Variants in SPATA19 observed in about 807,000 individuals in gnomAD.
SPATA19 encodes the protein spermatogenesis associated 19, also known as spermatogenesis-associated protein 19, mitochondrial.
A neutral mutation model predicts 25.0 loss-of-function variants in SPATA19; 19 were observed. That is an observed-to-expected ratio of 0.76 (90% confidence interval 0.53 to 1.11). SPATA19 has a LOEUF of 1.11. SPATA19 is among the 50% of genes most tolerant of loss of function. SPATA19 has a pLI of 0.00. For missense variants in SPATA19, 222 were observed against 211.4 expected, an observed-to-expected ratio of 1.05 and a Z score of -0.31; for synonymous variants, 64 against 69.3, an observed-to-expected ratio of 0.92 and a Z score of 0.38.
At position 133,842,039 on chromosome 11, in the gene SPATA19, T is replaced by A; in HGVS notation, c.504A>T (p.Ter168CysextTer61). 1 of 1,614,028 alleles carries A rather than the reference T, an allele frequency of 6.2e-7. No individual in the cohort carries two copies. Among genetic ancestry groups the A allele is most frequent in the Non-Finnish European group, 8.5e-7 (1 of 1,179,932 alleles). Reference sequence around the variant, plus strand: ...CCGTCAGCTCTCTCACCTGTTGCTCTCAGCAGTCTGAGGAGGAGGGTCTCA... The same window carrying A: ...CCGTCAGCTCTCTCACCTGTTGCTCACAGCAGTCTGAGGAGGAGGGTCTCA... ...FSMRPSSSDC[*>C] Residue 168 changes from the stop codon to cysteine (C), a stop_lost, in exon 6 of 7, where the codon TGA becomes TGT. Coordinates refer to ENST00000299140, the MANE Select transcript of SPATA19 (RefSeq NM_174927.3).
At chr11:133,843,707 TC>T (rs1162257436) in intron 4 of SPATA19, among the ~76,000 whole-genome samples, 1 of 152,104 alleles carries the variant, frequency 6.6e-6, no homozygotes. Flanking sequence ...TAGGAAAGCC[TC>T]TGTCTGAAGC....
chr11:133,843,838 G>T (rs367839850), intron 4 of SPATA19, among the ~76,000 whole-genome samples: 1 of 152,224 alleles, frequency 6.6e-6, no homozygotes, highest in African/African-American at 2.4e-5. Context: ...CACCATAACC[G>T]AGTGCAGAAT....
At chr11:133,842,357 G>A in intron 5 of SPATA19, 128 bp downstream of exon 5, 1 of 810,430 alleles carries the variant, frequency 1.2e-6, no homozygotes, top group Non-Finnish European at 2.1e-6. Flanking sequence ...TGGGAACTGT[G>A]TGTCTCTGCT....
At chr11:133,845,284 A>T (rs901871111) in intron 1 of SPATA19, 85 bp downstream of exon 1, 10 of 1,370,220 alleles carry the variant, frequency 7.3e-6, no homozygotes, top group Non-Finnish European at 1.0e-5. Context: ...TTTATTTGTA[A>T]GATCTCTATG....
chr11:133,842,656 G>T, intron 4 of SPATA19, 94 bp from the exon 5 acceptor site: 1 of 979,388 alleles, frequency 1.0e-6, no homozygotes, highest in Non-Finnish European at 1.6e-6. Context: ...TGCAAACAAT[G>T]ACTCTTGCCC....
chr11:133,837,174 T>A (rs1938227951), downstream of SPATA19, among the ~76,000 whole-genome samples: 1 of 152,198 alleles, frequency 6.6e-6, no homozygotes, highest in Non-Finnish European at 1.5e-5. Context: ...CAATAAGAAC[T>A]GAATAAATTG....
Position 133,845,320 on chromosome 11 carries a change from A to C in SPATA19, c.78+49T>G, listed in dbSNP as rs200159370. 53 of 1,471,454 alleles carry C rather than the reference A, an allele frequency of 3.6e-5. No homozygotes were observed. In the South Asian group the frequency reaches 5.5e-4, roughly 15 times the overall value. The allele number at this position is 1,471,454 out of a possible 1,614,324, so 91.1% of individuals were successfully genotyped here. On this transcript the variant is annotated intron_variant, in intron 1 of 6. Coordinates refer to ENST00000299140, the MANE Select transcript of SPATA19 (RefSeq NM_174927.3). The stretch of plus-strand genomic sequence containing the variant: ...AAGTGCAGCAGGGTCCCACAGGGGG[A>C]GAAGATATATGAAAAATTATTCCAT...
intron 4 of SPATA19, 93 bp downstream of exon 4, chr11:133,844,153 T>C (rs1385578684): frequency 9.7e-7 from 1 of 1,031,398 alleles, no homozygotes; most frequent in Non-Finnish European, 1.5e-6. Flanking sequence ...AAAGACGACA[T>C]CTCTAGAGAA....
intron 4 of SPATA19, 82 bp from the exon 5 acceptor site, chr11:133,842,644 C>T (rs1032426292): frequency 9.3e-7 from 1 of 1,077,358 alleles, no homozygotes; most frequent in African/African-American, 1.5e-5. Flanking sequence ...GAGATGGGAT[C>T]CTGCAAACAA....
At chr11:133,844,412 G>A in intron 3 of SPATA19, 75 bp from the exon 4 acceptor site, 1 of 1,610,326 alleles carries the variant, frequency 6.2e-7, no homozygotes, top group Non-Finnish European at 8.5e-7. Flanking sequence ...GCCCAGACGA[G>A]CACCTCACCC....
downstream of SPATA19, among the ~76,000 whole-genome samples, chr11:133,839,527 G>A (rs1202257831): frequency 7.0e-6 from 1 of 141,990 alleles, no homozygotes; most frequent in Admixed American, 7.3e-5. Context: ...TCCGGGGCCT[G>A]TTGTGGGGTA....
intron 2 of SPATA19, 65 bp from the exon 3 acceptor site, chr11:133,844,705 CTTCCT>C: frequency 2.0e-6 from 3 of 1,515,516 alleles, no homozygotes; most frequent in Non-Finnish European, 2.7e-6. Context: ...TTCTTCTCCT[CTTCCT>C]TTCCTTTTAT....
intron 2 of SPATA19, 76 bp downstream of exon 2, chr11:133,845,058 G>T: frequency 7.9e-7 from 1 of 1,263,544 alleles, no homozygotes; most frequent in Non-Finnish European, 1.1e-6. Context: ...GAAGAAGGAA[G>T]TCCAGATCCC....
downstream of SPATA19, among the ~76,000 whole-genome samples, chr11:133,837,213 A>G (rs1938228668): frequency 6.6e-6 from 1 of 152,222 alleles, no homozygotes; most frequent in South Asian, 2.1e-4. Flanking sequence ...TAAATCCCTC[A>G]GAGAACTGAG....
At chr11:133,835,998 G>A (rs1421004840), downstream of SPATA19, among the ~76,000 whole-genome samples, 2 of 152,210 alleles carry the variant, frequency 1.3e-5, no homozygotes, top group Non-Finnish European at 2.9e-5. Context: ...GTCTCCACGT[G>A]TAAAATCACT....
chr11:133,844,823 C>G (rs555635831), intron 2 of SPATA19, among the ~76,000 whole-genome samples, 183 bp from the exon 3 acceptor site: 2 of 152,284 alleles, frequency 1.3e-5, no homozygotes, highest in South Asian at 4.1e-4. Flanking sequence ...TCAGAACTCC[C>G]TAAGTCCCTG....
In SPATA19 at chr11:133,845,404, C is replaced by T; in HGVS notation, c.43G>A (p.Gly15Ser). 13 of 1,614,146 alleles carry T rather than the reference C, an allele frequency of 8.1e-6. No individual in the cohort carries two copies. Among genetic ancestry groups the T allele is most frequent in the Middle Eastern group, 1.6e-4 (1 of 6,062 alleles). ...ATTGGTAGGAAGGGAAGCCCTACAC[C>T]TTTCCGAGCAAGAATATACACAATC... ...TWIVYILARKGVGLPFLPITS... is the reference protein window; with the variant it reads ...TWIVYILARKSVGLPFLPITS... The change falls in exon 1 of 7, where the codon GGT becomes AGT. Residue 15 changes from glycine (G) to serine (S), a missense_variant. Physicochemically the swap from Gly to Ser is moderately conservative, Grantham distance 56. Coordinates refer to ENST00000299140, the MANE Select transcript of SPATA19 (RefSeq NM_174927.3).
In SPATA19 at chr11:133,842,506, C is replaced by G; in HGVS notation, c.416G>C (p.Arg139Pro). The G allele has an allele frequency of 6.2e-7, 1 of 1,614,012 alleles. No homozygotes were observed. The highest frequency in any genetic ancestry group is 2.2e-5 in the East Asian group (1 of 44,882). The change falls in exon 5 of 7, where the codon CGA (arginine) becomes CCA (proline). Residue 139 changes from arginine to proline, a missense_variant. Physicochemically the swap from Arg to Pro is moderately radical, Grantham distance 103. Coordinates refer to ENST00000299140, the MANE Select transcript of SPATA19 (RefSeq NM_174927.3). ...TTACCTTCGTCTCACCTGCTCTATT[C>G]GATCTCGCATGATGTCCTCTGTCAT... ...SEMTEDIMRD[R>P]IEQVRRSISR...
At chr11:133,844,443 TGCACC>T in intron 3 of SPATA19, 61 bp downstream of exon 3, 1 of 1,612,718 alleles carries the variant, frequency 6.2e-7, no homozygotes, top group Admixed American at 1.7e-5. Context: ...TCATTTACGG[TGCACC>T]TCCCACCTCT....
Sources: gnomAD v4.1 joint callset for allele counts (sites outside exome capture counted in the v4.1 genomes callset) on GRCh38, gnomAD v4.1.1 for gene constraint, MANE v1.5 for transcripts, NCBI Gene and HGNC (gene_info 2026-07-23, HGNC 2026-07-21) for gene names.